GLI3: variants seen among roughly 807,000 people sequenced by gnomAD.
GLI3 encodes the protein transcription activator GLI3.
GLI3 carries 20 observed loss-of-function variants against 100.8 expected under a neutral mutation model. That is an observed-to-expected ratio of 0.20 (90% CI 0.14 to 0.29). The LOEUF is 0.29. Among genes scored for constraint, GLI3 ranks in the 10% least tolerant of loss-of-function variants. The pLI is 1.00. For synonymous variants in GLI3, 938 were observed against 860.5 expected (o/e 1.09, Z -1.58); for missense variants, 2,040 against 2,128.5 (o/e 0.96, Z 0.82).
At chr7:41,981,072 G>C (rs529397338) in intron 10 of GLI3, among the ~76,000 whole-genome samples, 1 of 152,206 alleles carries the variant, frequency 6.6e-6, no homozygotes, top group Non-Finnish European at 1.5e-5. Flanking sequence ...AGACACATCA[G>C]GTGTGCAGGG....
intron 2 of GLI3, among the ~76,000 whole-genome samples, chr7:42,214,529 GC>G (rs1197435922): frequency 2.4e-5 from 1 of 41,556 alleles, no homozygotes; most frequent in African/African-American, 7.8e-5. Flanking sequence ...AAAAGAGCAA[GC>G]AAGAAAAAAA....
At chr7:42,085,425 G>A (rs1785083484) in intron 3 of GLI3, among the ~76,000 whole-genome samples, 1 of 152,118 alleles carries the variant, frequency 6.6e-6, no homozygotes, top group Admixed American at 6.5e-5. Context: ...TCTTCTTAAG[G>A]AATCCTCTTG....
chr7:42,140,499 A>G (rs773937445), intron 3 of GLI3, among the ~76,000 whole-genome samples: 1 of 152,238 alleles, frequency 6.6e-6, no homozygotes, highest in Non-Finnish European at 1.5e-5. Flanking sequence ...CATTAGAATG[A>G]TGAGAACAGT....
At chr7:42,118,125 G>T (rs561059805) in intron 3 of GLI3, 2 of 386,858 alleles carry the variant, frequency 5.2e-6, no homozygotes, top group African/African-American at 4.1e-5. Context: ...ACCAACTTCG[G>T]GTTTGCAAAT....
At chr7:42,119,098 G>A (rs1383839065) in intron 3 of GLI3, among the ~76,000 whole-genome samples, 1 of 152,182 alleles carries the variant, frequency 6.6e-6, no homozygotes, top group African/African-American at 2.4e-5. Context: ...CCAAGGGAAG[G>A]AGGGACAGGA....
chr7:42,118,426 A>T (rs1176865587), intron 3 of GLI3: 8 of 397,446 alleles, frequency 2.0e-5, no homozygotes, highest in African/African-American at 1.6e-4. Flanking sequence ...CCATGACTCA[A>T]AATGGGCCTT....
At chr7:42,220,478 A>T (rs1376053291) in intron 2 of GLI3, among the ~76,000 whole-genome samples, 1 of 152,146 alleles carries the variant, frequency 6.6e-6, no homozygotes, top group Non-Finnish European at 1.5e-5. Flanking sequence ...CGAGCTCTAA[A>T]CCCAGACAGG....
intron 9 of GLI3, among the ~76,000 whole-genome samples, chr7:42,024,219 G>C (rs962768537): frequency 6.6e-6 from 1 of 152,178 alleles, no homozygotes; most frequent in African/African-American, 2.4e-5. Flanking sequence ...GGGCCCAGGG[G>C]CCACAGCATC....
intron 3 of GLI3, among the ~76,000 whole-genome samples, chr7:42,080,979 C>T (rs983989387): frequency 4.6e-5 from 7 of 152,190 alleles, no homozygotes; most frequent in African/African-American, 1.7e-4. Flanking sequence ...TAAGTTACTG[C>T]ACCGCAGCCA....
intron 4 of GLI3, among the ~76,000 whole-genome samples, chr7:42,063,114 G>A (rs1213335074): frequency 6.6e-5 from 10 of 152,012 alleles, no homozygotes; most frequent in African/African-American, 1.5e-4. Flanking sequence ...CTGAAGAAGT[G>A]CTCGTTTTTC....
chr7:42,000,769 A>C (rs143107479), intron 10 of GLI3, among the ~76,000 whole-genome samples: 1 of 152,322 alleles, frequency 6.6e-6, no homozygotes, highest in East Asian at 1.9e-4. Flanking sequence ...AGCTGATTGA[A>C]GACCAAGGAA....
At chr7:42,075,825 G>C (rs1323466231) in intron 4 of GLI3, among the ~76,000 whole-genome samples, 1 of 152,200 alleles carries the variant, frequency 6.6e-6, no homozygotes, top group Non-Finnish European at 1.5e-5. Flanking sequence ...TCTGTTCACA[G>C]AGGAGGACTT....
intron 1 of GLI3, among the ~76,000 whole-genome samples, chr7:42,254,561 C>A (rs923019873): frequency 6.6e-6 from 1 of 152,218 alleles, no homozygotes; most frequent in African/African-American, 2.4e-5. Context: ...ATATGGCCTA[C>A]ATAGCCTGAA....
rs117531255 is a variant in GLI3 at position 42,127,191 on chromosome 7, G to A, written c.367+21035C>T. 6.3e-3 allele frequency among the ~76,000 whole-genome samples: 965 copies of A among 152,142 alleles called. 5 individuals carry two copies. The highest frequency in any genetic ancestry group is 0.022 in the South Asian group (104 of 4,814). On this transcript the variant is annotated intron_variant, in intron 3 of 14. Transcript: ENST00000395925. Reference sequence around the variant, plus strand: ...TCTGGTAACAAGCCTTTTTAACTTCGGCCAGAGAGGCCCAGCAGTAAGCGG... The same window carrying A: ...TCTGGTAACAAGCCTTTTTAACTTCAGCCAGAGAGGCCCAGCAGTAAGCGG...
chr7:41,984,634 G>A (rs1165038799), intron 10 of GLI3, among the ~76,000 whole-genome samples: 2 of 152,216 alleles, frequency 1.3e-5, no homozygotes, highest in Admixed American at 6.5e-5. Flanking sequence ...ACATCAAGAA[G>A]GTGAATTCCA....
chr7:42,199,359 T>A (rs887748905), intron 2 of GLI3, among the ~76,000 whole-genome samples: 1 of 152,142 alleles, frequency 6.6e-6, no homozygotes, highest in Non-Finnish European at 1.5e-5. Flanking sequence ...TCTAATAAGT[T>A]TACAGAAAGC....
intron 2 of GLI3, among the ~76,000 whole-genome samples, chr7:42,217,958 T>A (rs1583656075): frequency 6.6e-6 from 1 of 152,146 alleles, no homozygotes; most frequent in Non-Finnish European, 1.5e-5. Context: ...GTGAAGTAGG[T>A]CTTACTATTG....
intron 2 of GLI3, chr7:42,150,235 A>G (rs2128788038): frequency 6.6e-6 from 1 of 152,352 alleles, no homozygotes; most frequent in Middle Eastern, 3.4e-3. Context: ...ACATGTTCAC[A>G]TTGATCTCTA....
At chr7:42,237,602 A>G (rs1362311011), upstream of GLI3, among the ~76,000 whole-genome samples, 1 of 145,926 alleles carries the variant, frequency 6.9e-6, no homozygotes, top group Non-Finnish European at 1.5e-5. Context: ...TCCTCCCCCA[A>G]GTTTTAACAG....
Sources: allele counts gnomAD v4.1 joint callset (sites outside exome capture counted in the v4.1 genomes callset), GRCh38; gene constraint gnomAD v4.1.1; transcripts MANE v1.5; gene names NCBI Gene and HGNC (gene_info 2026-07-23, HGNC 2026-07-21).